Variants in P4HA3 observed in about 807,000 individuals in gnomAD.
The protein encoded by P4HA3 is prolyl 4-hydroxylase subunit alpha-3.
In P4HA3, 60 loss-of-function variants were observed where a neutral mutation model predicts 66.7. That is an observed-to-expected ratio of 0.90 (90% CI 0.73 to 1.12). P4HA3 has a LOEUF of 1.12. Among genes scored for constraint, P4HA3 ranks in the 50% most tolerant of loss-of-function variants. P4HA3 has a pLI of 0.00. For missense variants in P4HA3, 683 were observed against 685.8 expected, an observed-to-expected ratio of 1.00 and a Z score of 0.05; for synonymous variants, 263 against 274.6, an observed-to-expected ratio of 0.96 and a Z score of 0.42.
intron 4 of P4HA3, among the ~76,000 whole-genome samples, chr11:74,297,114 T>A (rs541022578): frequency 6.6e-6 from 1 of 152,000 alleles, no homozygotes; most frequent in Admixed American, 6.6e-5. Context: ...TTTGTTTTTG[T>A]TTTTGTTTTG....
intron 15 of P4HA3, chr11:74,253,994 T>G (rs1859771203): frequency 6.1e-6 from 1 of 163,724 alleles, no homozygotes. Context: ...AGGTACCGTT[T>G]TATCCCAGTC....
At chr11:74,277,277 AGGGAG>A (rs1011123377) in intron 8 of P4HA3, 133 bp from the exon 9 acceptor site, 1 of 1,175,250 alleles carries the variant, frequency 8.5e-7, no homozygotes, top group African/African-American at 1.5e-5. Context: ...GAGGAAAGAG[AGGGAG>A]GGAAGACAGA....
chr11:74,300,737 C>T (rs1041486297), intron 3 of P4HA3, among the ~76,000 whole-genome samples: 2 of 152,152 alleles, frequency 1.3e-5, no homozygotes, highest in African/African-American at 4.8e-5. Flanking sequence ...ATTATTGAAG[C>T]TTATTCTGTG....
intron 9 of P4HA3, among the ~76,000 whole-genome samples, chr11:74,274,799 T>C (rs1322175796): frequency 6.6e-6 from 1 of 152,222 alleles, no homozygotes; most frequent in African/African-American, 2.4e-5. Context: ...AATTTTGCAT[T>C]CCCACTAGCA....
At chr11:74,279,177 G>A (rs1360279411) in intron 8 of P4HA3, among the ~76,000 whole-genome samples, 1 of 152,166 alleles carries the variant, frequency 6.6e-6, no homozygotes, top group African/African-American at 2.4e-5. Flanking sequence ...AGTCTCTCTC[G>A]AATGGCCTTC....
At chr11:74,293,220 T>C (rs1349616801) in intron 4 of P4HA3, among the ~76,000 whole-genome samples, 3 of 152,114 alleles carry the variant, frequency 2.0e-5, no homozygotes, top group African/African-American at 7.2e-5. Context: ...TTGTCTCTTT[T>C]GATCTTTGTT....
At chr11:74,265,252 G>A (rs930519072), downstream of P4HA3, among the ~76,000 whole-genome samples, 1 of 152,184 alleles carries the variant, frequency 6.6e-6, no homozygotes, top group African/African-American at 2.4e-5. Context: ...TGGAACTGGA[G>A]GAGGCAGGTT....
intron 6 of P4HA3, 64 bp downstream of exon 6, chr11:74,286,164 C>A: frequency 1.3e-6 from 2 of 1,565,420 alleles, no homozygotes; most frequent in South Asian, 1.2e-5. Flanking sequence ...CATGTTATCC[C>A]AATTCTAGCT....
chr11:74,258,661 G>A (rs1419645749), intron 15 of P4HA3, among the ~76,000 whole-genome samples: 1 of 152,110 alleles, frequency 6.6e-6, no homozygotes, highest in Non-Finnish European at 1.5e-5. Context: ...CATAGCAGAA[G>A]GAGAGGAGGG....
intron 3 of P4HA3, among the ~76,000 whole-genome samples, chr11:74,299,168 T>G (rs1861319969): frequency 6.6e-6 from 1 of 152,178 alleles, no homozygotes; most frequent in Non-Finnish European, 1.5e-5. Context: ...TGTTCTGTAT[T>G]AAATGCTGGA....
chr11:74,281,910 AC>A (rs1389637003), intron 7 of P4HA3, among the ~76,000 whole-genome samples: 1 of 131,514 alleles, frequency 7.6e-6, no homozygotes, highest in Non-Finnish European at 1.6e-5. Context: ...AAAGTTTGGG[AC>A]AAAAAAATAA....
intron 9 of P4HA3, among the ~76,000 whole-genome samples, chr11:74,275,130 T>A (rs184899578): frequency 5.8e-4 from 88 of 152,366 alleles, no homozygotes; most frequent in Non-Finnish European, 7.3e-4. Context: ...TGGTGGCTTG[T>A]CTTTTCCTTT....
chr11:74,301,507 C>T (rs777688743), intron 3 of P4HA3, among the ~76,000 whole-genome samples: 1 of 152,204 alleles, frequency 6.6e-6, no homozygotes, highest in Non-Finnish European at 1.5e-5. Flanking sequence ...AAGCAGCCTA[C>T]TCTGCCTTAA....
intron 1 of P4HA3, among the ~76,000 whole-genome samples, chr11:74,309,549 G>A (rs1861666032): frequency 6.6e-6 from 1 of 152,130 alleles, no homozygotes; most frequent in African/African-American, 2.4e-5. Context: ...GGGTAGCAGG[G>A]AGAATGCTGG....
chr11:74,305,266 T>C (rs1383945227), intron 1 of P4HA3, among the ~76,000 whole-genome samples: 1 of 152,076 alleles, frequency 6.6e-6, no homozygotes, highest in Non-Finnish European at 1.5e-5. Flanking sequence ...AGAGATGGCA[T>C]GTGATCTGAA....
At position 74,269,646 on chromosome 11, in the gene P4HA3, A is replaced by G; in HGVS notation, c.1467+6T>C. 1.2e-6 allele frequency: 2 copies of G among 1,612,366 alleles called. No homozygotes were observed. Among genetic ancestry groups the G allele is most frequent in the Non-Finnish European group, 1.7e-6 (2 of 1,179,044 alleles). On this transcript the variant is annotated splice_donor_region_variant and intron_variant, in intron 11 of 12. Transcript: ENST00000331597. ...CCCCGTCTTCTGGGACCAGGGCCCCACTCACCCTAACCACAGGCACGCTGA... is the reference window on the plus strand; with the variant it reads ...CCCCGTCTTCTGGGACCAGGGCCCCGCTCACCCTAACCACAGGCACGCTGA...
intron 15 of P4HA3, chr11:74,253,587 G>C: frequency 6.8e-7 from 1 of 1,479,820 alleles, no homozygotes; most frequent in Non-Finnish European, 9.4e-7. Flanking sequence ...TGATGCCACT[G>C]TCTCCTCTCC....
intron 5 of P4HA3, among the ~76,000 whole-genome samples, chr11:74,287,884 G>A (rs932048768): frequency 1.3e-5 from 2 of 152,044 alleles, no homozygotes; most frequent in Non-Finnish European, 2.9e-5. Context: ...GGGCATGGTG[G>A]CACATGGCTG....
chr11:74,255,085 A>G (rs922300854), intron 15 of P4HA3, among the ~76,000 whole-genome samples: 1 of 152,186 alleles, frequency 6.6e-6, no homozygotes, highest in Non-Finnish European at 1.5e-5. Flanking sequence ...TCTCTCCCAG[A>G]TGACCAAAAG....
Sources: gnomAD v4.1 joint callset for allele counts (sites outside exome capture counted in the v4.1 genomes callset) on GRCh38, gnomAD v4.1.1 for gene constraint, MANE v1.5 for transcripts, NCBI Gene and HGNC (gene_info 2026-07-23, HGNC 2026-07-21) for gene names.